Variants in VPS13A observed in about 807,000 individuals in gnomAD.
VPS13A encodes intermembrane lipid transfer protein VPS13A.
A neutral mutation model predicts 390.9 loss-of-function variants in VPS13A; 264 were observed. That is an observed-to-expected ratio of 0.68 (90% confidence interval 0.61 to 0.75). The LOEUF (loss-of-function observed/expected upper bound fraction) is 0.75, where lower values mean the gene tolerates loss of function less well. Ranked by LOEUF, VPS13A falls within the 30% of genes least tolerant of loss-of-function variation. VPS13A has a pLI of 0.00. For synonymous variants in VPS13A, 1,231 were observed against 1,227.1 expected (o/e 1.00, Z -0.07); for missense variants, 3,409 against 3,733.9 (o/e 0.91, Z 2.27).
chr9:77,316,995 T>C (rs1394635558), intron 39 of VPS13A, among the ~76,000 whole-genome samples: 3 of 152,166 alleles, frequency 2.0e-5, no homozygotes, highest in African/African-American at 7.2e-5. Flanking sequence ...CTTACAAAAA[T>C]ATTTGAGCTT....
At chr9:77,349,195 C>G (rs1445355159) in intron 52 of VPS13A, among the ~76,000 whole-genome samples, 2 of 152,072 alleles carry the variant, frequency 1.3e-5, no homozygotes, top group African/African-American at 2.4e-5. Context: ...TTCCTTTCCT[C>G]CCTCCTTTGT....
intron 1 of VPS13A, among the ~76,000 whole-genome samples, chr9:77,198,979 T>C (rs966282455): frequency 1.3e-5 from 2 of 152,184 alleles, no homozygotes; most frequent in Admixed American, 6.5e-5. Context: ...CTGTTTATTT[T>C]AATCCATTCT....
At chr9:77,210,522 A>C in intron 6 of VPS13A, 94 bp from the exon 7 acceptor site, 1 of 1,231,564 alleles carries the variant, frequency 8.1e-7, no homozygotes, top group Non-Finnish European at 1.2e-6. Context: ...GGGATTACAG[A>C]TGGGAGCCGC....
At chr9:77,273,934 AT>A (rs1826493238) in intron 24 of VPS13A, among the ~76,000 whole-genome samples, 1 of 152,164 alleles carries the variant, frequency 6.6e-6, no homozygotes, top group African/African-American at 2.4e-5. Context: ...TCTTAAAATA[AT>A]TGACTCAGTG....
At chr9:77,249,370 T>G (rs1020493356) in intron 20 of VPS13A, among the ~76,000 whole-genome samples, 9 of 152,190 alleles carry the variant, frequency 5.9e-5, no homozygotes, top group African/African-American at 2.2e-4. Flanking sequence ...GAGCATAAGG[T>G]TAGGAGTAAG....
chr9:77,394,967 T>C (rs1834063242), intron 68 of VPS13A, among the ~76,000 whole-genome samples: 1 of 152,238 alleles, frequency 6.6e-6, no homozygotes, highest in African/African-American at 2.4e-5. Context: ...GTTTATCTTC[T>C]ATCCAGACCA....
At chr9:77,386,698 T>A (rs1274981468) in intron 68 of VPS13A, among the ~76,000 whole-genome samples, 1 of 127,174 alleles carries the variant, frequency 7.9e-6, no homozygotes, top group Admixed American at 8.3e-5. Context: ...ATGTGCTCTT[T>A]ATTTTTTTTT....
intron 68 of VPS13A, among the ~76,000 whole-genome samples, chr9:77,385,590 A>T (rs934799535): frequency 5.9e-5 from 9 of 152,120 alleles, no homozygotes; most frequent in Non-Finnish European, 8.8e-5. Flanking sequence ...AAAGGTTTTT[A>T]AAAAAATTTC....
chr9:77,354,034 T>A (rs1287273799), intron 54 of VPS13A, among the ~76,000 whole-genome samples: 1 of 152,110 alleles, frequency 6.6e-6, no homozygotes, highest in African/African-American at 2.4e-5. Context: ...CTTGGCACTT[T>A]AAGATCTAAT....
Position 77,370,338 on chromosome 9 carries a change from A to T in VPS13A, c.8743+6A>T. On this transcript the variant is annotated splice_donor_region_variant and intron_variant, in intron 64 of 71. Transcript: ENST00000360280. ...ACTAGTTGGTGGAGCTGTTGGTAAG[A>T]AACAGAATATCTACCAAGTATTTTT... 1 of 1,614,178 alleles carries T rather than the reference A, an allele frequency of 6.2e-7. No homozygotes were observed. The highest frequency in any genetic ancestry group is 1.1e-5 in the South Asian group (1 of 91,086).
At chr9:77,411,254 CA>C (rs1834906069) in intron 71 of VPS13A, among the ~76,000 whole-genome samples, 3 of 152,042 alleles carry the variant, frequency 2.0e-5, no homozygotes, top group African/African-American at 7.2e-5. Flanking sequence ...AACAAAGACA[CA>C]ACATAGCAGA....
intron 1 of VPS13A, among the ~76,000 whole-genome samples, chr9:77,180,595 A>G (rs1823949379): frequency 6.6e-6 from 1 of 152,132 alleles, no homozygotes; most frequent in African/African-American, 2.4e-5. Flanking sequence ...TTCTTTTTGT[A>G]TAAGGTGTGT....
chr9:77,289,979 C>T (rs1434000935), intron 31 of VPS13A, among the ~76,000 whole-genome samples: 1 of 152,064 alleles, frequency 6.6e-6, no homozygotes, highest in Non-Finnish European at 1.5e-5. Flanking sequence ...TGGGGTTTCA[C>T]CATGTTGGCC....
At chr9:77,186,034 A>G (rs558990694) in intron 1 of VPS13A, among the ~76,000 whole-genome samples, 1 of 152,302 alleles carries the variant, frequency 6.6e-6, no homozygotes, top group East Asian at 1.9e-4. Context: ...AGGCTGAGGT[A>G]TGAGAATCTC....
chr9:77,296,489 T>C (rs1423883472), intron 33 of VPS13A, among the ~76,000 whole-genome samples: 2 of 152,180 alleles, frequency 1.3e-5, no homozygotes, highest in Non-Finnish European at 2.9e-5. Flanking sequence ...TTCTTTGATA[T>C]AATTCTCTTG....
chr9:77,356,935 G>GAAATA, intron 55 of VPS13A, 68 bp downstream of exon 55: 1 of 1,556,706 alleles, frequency 6.4e-7, no homozygotes, highest in Non-Finnish European at 8.8e-7. Context: ...AATCACTAGT[G>GAAATA]AAATTTAAGG....
chr9:77,262,103 G>A (rs1453921855), intron 23 of VPS13A, among the ~76,000 whole-genome samples: 1 of 152,048 alleles, frequency 6.6e-6, no homozygotes, highest in African/African-American at 2.4e-5. Context: ...TTGGGTTATG[G>A]TTGTCTAATT....
At chr9:77,357,952 CTT>C (rs5898534) in intron 56 of VPS13A, 114 bp downstream of exon 56, 20,863 of 339,332 alleles carry the variant, frequency 0.061, 3 homozygotes, top group South Asian at 0.068. Context: ...TTGTGCTAGC[CTT>C]TTTTTTTTTT....
intron 2 of VPS13A, 43 bp from the exon 3 acceptor site, chr9:77,201,322 T>C: frequency 7.3e-7 from 1 of 1,376,292 alleles, no homozygotes; most frequent in Non-Finnish European, 1.0e-6. Flanking sequence ...TGTTAAACTC[T>C]ATATCTACTA....
Sources: allele counts gnomAD v4.1 joint callset (sites outside exome capture counted in the v4.1 genomes callset), GRCh38; gene constraint gnomAD v4.1.1; transcripts MANE v1.5; gene names NCBI Gene and HGNC (gene_info 2026-07-23, HGNC 2026-07-21).